Variants in GRM3 observed in about 807,000 individuals in gnomAD.
The protein encoded by GRM3 is glutamate metabotropic receptor 3.
GRM3 carries 26 observed loss-of-function variants against 70.5 expected under a neutral mutation model. The observed-to-expected ratio is 0.37, with a 90% CI of 0.27 to 0.51. The LOEUF (loss-of-function observed/expected upper bound fraction) is 0.51, where lower values mean the gene tolerates loss of function less well. Among genes scored for constraint, GRM3 ranks in the 20% least tolerant of loss-of-function variants. GRM3 has a pLI of 0.93. For synonymous variants in GRM3, 443 were observed against 434.9 expected, an observed-to-expected ratio of 1.02 and a Z score of -0.23; for missense variants, 859 against 1,123.8, an observed-to-expected ratio of 0.76 and a Z score of 3.37.
intron 3 of GRM3, among the ~76,000 whole-genome samples, chr7:86,807,443 G>T (rs573522542): frequency 1.3e-4 from 19 of 149,430 alleles, no homozygotes; most frequent in African/African-American, 4.8e-4. Context: ...TGTAGTTCTC[G>T]TTGAAGAGGT....
At chr7:86,721,697 T>C (rs185382318) in intron 1 of GRM3, among the ~76,000 whole-genome samples, 1 of 152,240 alleles carries the variant, frequency 6.6e-6, no homozygotes, top group East Asian at 1.9e-4. Context: ...ACCTTTGTTT[T>C]AGTGTTATCT....
chr7:86,667,759 C>T (rs538772723), intron 1 of GRM3, among the ~76,000 whole-genome samples: 1 of 152,266 alleles, frequency 6.6e-6, no homozygotes, highest in South Asian at 2.1e-4. Context: ...AACATTTCGG[C>T]CCTTCTAACG....
At position 86,731,858 on chromosome 7, in the gene GRM3, AT is replaced by A. The variant is rs916435717; in HGVS notation, c.-140-33139del. 2.2e-3 allele frequency among the ~76,000 whole-genome samples: 338 copies of A among 151,780 alleles called. 3 individuals are homozygous for A. Among genetic ancestry groups the A allele is most frequent in the African/African-American group, 7.1e-3 (294 of 41,408 alleles). On this transcript the variant is annotated intron_variant, in intron 1 of 5. Coordinates refer to ENST00000361669, the MANE Select transcript of GRM3 (RefSeq NM_000840.3). ...TCTAAGAATCTGAACCCACATCTTA[AT>A]TTTTTTTTATCTTAAATGACCAAGG...
At chr7:86,699,795 A>G (rs749705191) in intron 1 of GRM3, among the ~76,000 whole-genome samples, 1 of 152,024 alleles carries the variant, frequency 6.6e-6, no homozygotes, top group South Asian at 2.1e-4. Context: ...GTTATGCGTC[A>G]CCAGATGAGG....
At chr7:86,743,993 T>C (rs1306571262) in intron 1 of GRM3, among the ~76,000 whole-genome samples, 1 of 151,956 alleles carries the variant, frequency 6.6e-6, no homozygotes, top group Non-Finnish European at 1.5e-5. Context: ...CATTCTGGGG[T>C]AGGTATTATT....
chr7:86,740,009 G>A (rs1043295778), intron 1 of GRM3, among the ~76,000 whole-genome samples: 1 of 152,082 alleles, frequency 6.6e-6, no homozygotes, highest in African/African-American at 2.4e-5. Flanking sequence ...AAAATTGTGA[G>A]CATTCAAAAA....
intron 1 of GRM3, among the ~76,000 whole-genome samples, chr7:86,742,062 C>T (rs1796002962): frequency 6.6e-6 from 1 of 152,164 alleles, no homozygotes; most frequent in African/African-American, 2.4e-5. Flanking sequence ...TCATCTGGGG[C>T]AGCTCAAGAC....
chr7:86,670,095 A>T (rs1794132846), intron 1 of GRM3, among the ~76,000 whole-genome samples: 1 of 152,068 alleles, frequency 6.6e-6, no homozygotes. Flanking sequence ...ATCTTTTCCT[A>T]ATTCTGTTTC....
At chr7:86,811,149 C>A (rs1284873264) in intron 3 of GRM3, among the ~76,000 whole-genome samples, 1 of 151,846 alleles carries the variant, frequency 6.6e-6, no homozygotes, top group Non-Finnish European at 1.5e-5. Flanking sequence ...TCATGTGAAC[C>A]ATAAATTTTT....
chr7:86,761,056 T>TA (rs1252879336), intron 1 of GRM3, among the ~76,000 whole-genome samples: 1 of 152,152 alleles, frequency 6.6e-6, no homozygotes, highest in Non-Finnish European at 1.5e-5. Flanking sequence ...AAATAGTTCA[T>TA]AAAAACAGAG....
At chr7:86,667,025 T>C (rs1794045571) in intron 1 of GRM3, among the ~76,000 whole-genome samples, 1 of 152,038 alleles carries the variant, frequency 6.6e-6, no homozygotes, top group Admixed American at 6.6e-5. Context: ...TTTCTGGAAG[T>C]TTGATCTCAT....
chr7:86,714,139 C>T (rs187421741), intron 1 of GRM3, among the ~76,000 whole-genome samples: 2 of 152,130 alleles, frequency 1.3e-5, no homozygotes, highest in East Asian at 1.9e-4. Context: ...TGGCATCATT[C>T]TCATGCTCTC....
chr7:86,768,641 C>T lies in GRM3; in HGVS notation c.468+3028C>T, dbSNP rs181355922. On this transcript the variant is annotated intron_variant, in intron 2 of 5. Transcript: ENST00000361669. Reference sequence around the variant, plus strand: ...ACAGGGTGACAGTGTAAATGAGATGCTGGATCTGAAGAGGCCAATCAGAAA... The same window carrying T: ...ACAGGGTGACAGTGTAAATGAGATGTTGGATCTGAAGAGGCCAATCAGAAA... Among the ~76,000 whole-genome samples, 423 of 152,232 alleles carry T rather than the reference C, an allele frequency of 2.8e-3. 5 individuals carry two copies. The highest frequency in any genetic ancestry group is 9.9e-3 in the African/African-American group (411 of 41,554).
chr7:86,701,458 T>C (rs1794944862), intron 1 of GRM3, among the ~76,000 whole-genome samples: 1 of 151,942 alleles, frequency 6.6e-6, no homozygotes, highest in Non-Finnish European at 1.5e-5. Flanking sequence ...CTGATAGTTT[T>C]AAAGATTAAG....
At chr7:86,805,553 C>T (rs1172349665) in intron 3 of GRM3, among the ~76,000 whole-genome samples, 1 of 152,158 alleles carries the variant, frequency 6.6e-6, no homozygotes, top group Non-Finnish European at 1.5e-5. Flanking sequence ...AGAATAGTTT[C>T]ACTGCCCTAA....
At position 86,850,454 on chromosome 7, in the gene GRM3, A is replaced by G. The variant is rs754101146; in HGVS notation, c.2476A>G (p.Ile826Val). ...TTTGTTTGCACCCAAGGTTCACATC[A>G]TCCTGTTTCAACCCCAGAAGAATGT... Reference protein sequence around the residue: ...GCLFAPKVHIILFQPQKNVVT... With the variant: ...GCLFAPKVHIVLFQPQKNVVT... The change falls in exon 5 of 6, where the codon ATC (isoleucine) becomes GTC (valine). Residue 826 changes from isoleucine (I) to valine (V), a missense_variant. By Grantham distance (29) the Ile-to-Val change is conservative. Transcript: ENST00000361669. 1 of 1,612,184 alleles carries G rather than the reference A, an allele frequency of 6.2e-7. No homozygotes were observed. Among genetic ancestry groups the G allele is most frequent in the Non-Finnish European group, 8.5e-7 (1 of 1,178,450 alleles).
intron 3 of GRM3, among the ~76,000 whole-genome samples, chr7:86,796,703 T>G (rs1041742580): frequency 5.3e-5 from 8 of 152,164 alleles, no homozygotes; most frequent in African/African-American, 1.9e-4. Flanking sequence ...CATGGAATGT[T>G]TTTTCATTTG....
intron 5 of GRM3, among the ~76,000 whole-genome samples, chr7:86,853,721 C>T (rs937278371): frequency 2.0e-5 from 3 of 152,182 alleles, no homozygotes; most frequent in East Asian, 1.9e-4. Context: ...GTTTCCTCCA[C>T]TTTATCTATT....
chr7:86,751,619 T>C (rs1166741201), intron 1 of GRM3, among the ~76,000 whole-genome samples: 1 of 152,076 alleles, frequency 6.6e-6, no homozygotes. Flanking sequence ...TCTTCACCTT[T>C]CTCTTCCCAT....
Sources: allele counts gnomAD v4.1 joint callset (sites outside exome capture counted in the v4.1 genomes callset), GRCh38; gene constraint gnomAD v4.1.1; transcripts MANE v1.5; gene names NCBI Gene and HGNC (gene_info 2026-07-23, HGNC 2026-07-21).